CHRNB1: variants seen among roughly 807,000 people sequenced by gnomAD.
The protein encoded by CHRNB1 is acetylcholine receptor subunit beta.
In CHRNB1, 47 loss-of-function variants were observed where a neutral mutation model predicts 53.8. The ratio of observed to expected loss-of-function variants is 0.87; its 90% confidence interval spans 0.69 to 1.11. The LOEUF is 1.11. CHRNB1 is among the 50% of genes most tolerant of loss of function. The pLI is 0.00. For missense variants in CHRNB1, 605 were observed against 654.9 expected (o/e 0.92, Z 0.83); for synonymous variants, 259 against 263.5 (o/e 0.98, Z 0.16).
In CHRNB1 at chr17:7,446,869, G is replaced by A; in HGVS notation, c.280G>A (p.Glu94Lys). ...CTACAGGCTGAGCTGGGACCCTGCG[G>A]AGCACGACGGCATCGATTCGCTCCG... ...TDYRLSWDPA[E>K]HDGIDSLRIT... Residue 94 changes from glutamate (E) to lysine (K), a missense_variant, in exon 4 of 11, where the codon GAG becomes AAG. Physicochemically the swap from Glu to Lys is moderately conservative, Grantham distance 56. Coordinates refer to ENST00000306071, the MANE Select transcript of CHRNB1 (RefSeq NM_000747.3). 6.2e-7 allele frequency: 1 copy of A among 1,614,034 alleles called. No homozygotes were observed. The highest frequency in any genetic ancestry group is 8.5e-7 in the Non-Finnish European group (1 of 1,180,028).
At chr17:7,448,160 A>G (rs12451961) in intron 6 of CHRNB1, among the ~76,000 whole-genome samples, 54,569 of 147,288 alleles carry the variant, frequency 0.37, 10,324 homozygotes, top group South Asian at 0.5. Flanking sequence ...GGAGGCGGGC[A>G]AATCACCTGA....
intron 10 of CHRNB1, among the ~76,000 whole-genome samples, chr17:7,456,291 T>C (rs1042433450): frequency 3.3e-5 from 5 of 152,108 alleles, no homozygotes; most frequent in Non-Finnish European, 5.9e-5. Context: ...TGACCTCAGG[T>C]GATCCGCTCG....
rs752129718 is a variant in CHRNB1 at position 7,455,424 on chromosome 17, G to T, written c.1185G>T (p.Pro395=). ...CAGATGAATATTTCATCCGGAAGCC[G>T]CCAAGTGATTTTCTCTTCCCCAAAC... ...RGTDEYFIRK[P]PSDFLFPKPN... is the part of the protein sequence containing the mutation. Residue 395 remains proline (P), a synonymous_variant, in exon 9 of 11, where the codon CCG becomes CCT. Transcript: ENST00000306071. 6.2e-7 allele frequency: 1 copy of T among 1,614,108 alleles called. No homozygotes were observed. Among genetic ancestry groups the T allele is most frequent in the East Asian group, 2.2e-5 (1 of 44,884 alleles).
In CHRNB1 at chr17:7,447,669, T is replaced by C. The variant is rs1374758966; in HGVS notation, c.610+19T>C. 1.2e-6 allele frequency: 2 copies of C among 1,613,890 alleles called. No homozygotes were observed. The highest frequency in any genetic ancestry group is 2.2e-5 in the East Asian group (1 of 44,900). ...TTCATTGGTGAGTAGGCATGGCTCC[T>C]ACATCCATGGGCTCTATCATTTCCA... On this transcript the variant is annotated intron_variant, in intron 6 of 10. Coordinates refer to ENST00000306071, the MANE Select transcript of CHRNB1 (RefSeq NM_000747.3).
Position 7,448,651 on chromosome 17 carries a change from G to A in CHRNB1, c.683G>A (p.Arg228Lys), listed in dbSNP as rs762323487. 1 of 1,614,022 alleles carries A rather than the reference G, an allele frequency of 6.2e-7. No homozygotes were observed. The highest frequency in any genetic ancestry group is 8.5e-7 in the Non-Finnish European group (1 of 1,180,040). Residue 228 changes from arginine (R) to lysine (K), a missense_variant, in exon 7 of 11, where the codon AGG becomes AAG. By Grantham distance (26) the Arg-to-Lys change is conservative. Coordinates refer to ENST00000306071, the MANE Select transcript of CHRNB1 (RefSeq NM_000747.3). ...CCTCCAGGCGATCCTAGGGGAGGGA[G>A]GGAAGGACAGCGCCAGGAAGTCATC... ...IQPPGDPRGG[R>K]EGQRQEVIFY...
At chr17:7,456,018 C>G in intron 10 of CHRNB1, 77 bp downstream of exon 10, 1 of 1,070,256 alleles carries the variant, frequency 9.3e-7, no homozygotes, top group Non-Finnish European at 1.3e-6. Flanking sequence ...CCAGCACTCG[C>G]TTTCGTTTTT....
chr17:7,450,299 A>G (rs1265763674), intron 7 of CHRNB1, among the ~76,000 whole-genome samples: 1 of 151,860 alleles, frequency 6.6e-6, no homozygotes, highest in Non-Finnish European at 1.5e-5. Context: ...GCCCACCACC[A>G]TGCCTGCCTA....
intron 6 of CHRNB1, among the ~76,000 whole-genome samples, chr17:7,448,129 A>C (rs1908730212): frequency 6.9e-6 from 1 of 145,274 alleles, no homozygotes; most frequent in Non-Finnish European, 1.5e-5. Flanking sequence ...CTCACGACTT[A>C]ATCTCAGTAT....
intron 7 of CHRNB1, among the ~76,000 whole-genome samples, chr17:7,451,060 T>C (rs1908865199): frequency 6.6e-6 from 1 of 151,908 alleles, no homozygotes; most frequent in Non-Finnish European, 1.5e-5. Context: ...GGAGATGAAG[T>C]CAAGGAGCTC....
chr17:7,446,184 T>A, intron 3 of CHRNB1, 71 bp downstream of exon 3: 1 of 1,323,234 alleles, frequency 7.6e-7, no homozygotes. Flanking sequence ...TCCAGCCCAG[T>A]AAGAATATTT....
intron 6 of CHRNB1, among the ~76,000 whole-genome samples, chr17:7,447,899 C>A (rs1908712406): frequency 6.6e-6 from 1 of 151,748 alleles, no homozygotes; most frequent in Non-Finnish European, 1.5e-5. Flanking sequence ...CGTGGTGAAA[C>A]CCCGTCTCTA....
In CHRNB1 at chr17:7,456,583, C is replaced by T; in HGVS notation, c.1366C>T (p.Leu456=). 6.2e-7 allele frequency: 1 copy of T among 1,614,140 alleles called. No individual in the cohort carries two copies. Among genetic ancestry groups the T allele is most frequent in the Non-Finnish European group, 8.5e-7 (1 of 1,180,022 alleles). ...GGAAGTTTCCTTTGCCTACCCACAG[C>T]TGAAGGAGGACTGGCAGTTTGTGGC... ...QLQEQEDHDA[L]KEDWQFVAMV... The change falls in exon 11 of 11, where the codon CTG becomes TTG. Residue 456 remains leucine (L), a splice_region_variant and synonymous_variant. Coordinates refer to ENST00000306071, the MANE Select transcript of CHRNB1 (RefSeq NM_000747.3).
At chr17:7,448,829 C>T (rs1282549476) in intron 7 of CHRNB1, 41 bp downstream of exon 7, 3 of 1,588,002 alleles carry the variant, frequency 1.9e-6, no homozygotes, top group Non-Finnish European at 2.6e-6. Context: ...GTCATTGGCT[C>T]AGCTTCTTAC....
rs1328400943 is a variant in CHRNB1, at chr17:7,447,525, G to C, written c.485G>C (p.Trp162Ser). ...CAGGTCACCTACTTCCCCTTCGACT[G>C]GCAGAATTGCACTATGGTGTTCAGC... is the stretch of plus-strand genomic sequence containing the variant. ...SIQVTYFPFD[W>S]QNCTMVFSSY... The change falls in exon 6 of 11, where the codon TGG becomes TCG. Residue 162 changes from tryptophan (W) to serine (S), a missense_variant. By Grantham distance (177) the Trp-to-Ser change is radical. Coordinates refer to ENST00000306071, the MANE Select transcript of CHRNB1 (RefSeq NM_000747.3). 1.2e-6 allele frequency: 2 copies of C among 1,614,142 alleles called. No individual in the cohort carries two copies. The highest frequency in any genetic ancestry group is 3.3e-5 in the Admixed American group (2 of 60,008).
At chr17:7,446,715 C>T in intron 3 of CHRNB1, 118 bp from the exon 4 acceptor site, 1 of 767,516 alleles carries the variant, frequency 1.3e-6, no homozygotes, top group Non-Finnish European at 2.2e-6. Context: ...CCCCTTGACC[C>T]ACAGTTTATG....
chr17:7,450,038 A>AC (rs1908826146), intron 7 of CHRNB1, among the ~76,000 whole-genome samples: 1 of 129,286 alleles, frequency 7.7e-6, no homozygotes, highest in Non-Finnish European at 1.6e-5. Context: ...ACTCTGTCTC[A>AC]AAAAATAAAT....
At chr17:7,446,703 G>T in intron 3 of CHRNB1, 130 bp from the exon 4 acceptor site, 3 of 693,890 alleles carry the variant, frequency 4.3e-6, no homozygotes, top group Non-Finnish European at 7.6e-6. Context: ...CCAGAACCAC[G>T]GCCCCTTGAC....
At chr17:7,448,897 C>T in intron 7 of CHRNB1, 109 bp downstream of exon 7, 1 of 1,179,480 alleles carries the variant, frequency 8.5e-7, no homozygotes, top group Non-Finnish European at 1.2e-6. Flanking sequence ...ATAGATTGGG[C>T]TTCAGCAATC....
At chr17:7,456,514 G>C in intron 10 of CHRNB1, 69 bp from the exon 11 acceptor site, 1 of 1,599,246 alleles carries the variant, frequency 6.3e-7, no homozygotes, top group Non-Finnish European at 8.6e-7. Context: ...GGTAGCGGGC[G>C]GGGAAATGGG....
Sources: allele counts gnomAD v4.1 joint callset (sites outside exome capture counted in the v4.1 genomes callset), GRCh38; gene constraint gnomAD v4.1.1; transcripts MANE v1.5; gene names NCBI Gene and HGNC (gene_info 2026-07-23, HGNC 2026-07-21).